CDK6: variants seen among roughly 807,000 people sequenced by gnomAD.
The protein encoded by CDK6 is cyclin-dependent kinase 6.
Under a neutral mutation model 37.1 loss-of-function variants are expected in CDK6, and 6 were observed. The ratio of observed to expected loss-of-function variants is 0.16; its 90% CI spans 0.09 to 0.32. The LOEUF (loss-of-function observed/expected upper bound fraction) is 0.32. Ranked by LOEUF, CDK6 falls within the 10% of genes least tolerant of loss-of-function variation. The pLI is 1.00. For missense variants in CDK6, 224 were observed against 418.9 expected, an observed-to-expected ratio of 0.53 and a Z score of 4.06; for synonymous variants, 160 against 161.3, an observed-to-expected ratio of 0.99 and a Z score of 0.06.
rs774090213 is a variant in CDK6, at chr7:92,833,333, A to G, written c.-10T>C. 6.4e-7 allele frequency: 1 copy of G among 1,551,610 alleles called. No homozygotes were observed. Among genetic ancestry groups the G allele is most frequent in the Non-Finnish European group, 8.7e-7 (1 of 1,151,396 alleles). ...GGCCGTCCTTCTCCATGCCGCCTGG[A>G]CGCCGCCCGCCGCGGCGCCGCTGGG... On this transcript the variant is annotated 5_prime_UTR_variant, in exon 2 of 8. Coordinates refer to ENST00000424848, the MANE Select transcript of CDK6 (RefSeq NM_001145306.2). The surrounding 1 kb of genome is among the most constrained non-coding windows in gnomAD (Gnocchi z 6.1).
In CDK6 at chr7:92,607,617, C is replaced by G; in HGVS notation, c.*7523G>C. 4.3e-6 allele frequency: 1 copy of G among 232,496 alleles called. No homozygotes were observed. Among genetic ancestry groups the G allele is most frequent in the Non-Finnish European group, 8.5e-6 (1 of 117,656 alleles). 14.4% of individuals were successfully genotyped at this position (232,496 alleles called of 1,614,324 possible). On this transcript the variant is annotated 3_prime_UTR_variant, in exon 8 of 8. Coordinates refer to ENST00000424848, the MANE Select transcript of CDK6 (RefSeq NM_001145306.2). ...GAACATTAGATGCAAAATCCTAACACTTTCTGCCTTCAGTTGTACTTTCAC... is the reference window on the plus strand; with the variant it reads ...GAACATTAGATGCAAAATCCTAACAGTTTCTGCCTTCAGTTGTACTTTCAC...
chr7:92,638,235 G>A (rs1310092404), intron 5 of CDK6, among the ~76,000 whole-genome samples: 2 of 152,126 alleles, frequency 1.3e-5, no homozygotes, highest in Non-Finnish European at 2.9e-5. Context: ...ATTAACATCA[G>A]TATATTTTGA....
intron 5 of CDK6, among the ~76,000 whole-genome samples, chr7:92,633,042 A>T (rs2116516730): frequency 6.6e-6 from 1 of 151,976 alleles, no homozygotes; most frequent in South Asian, 2.1e-4. Flanking sequence ...CAGGGTGACA[A>T]GAAAGTGCAT....
chr7:92,776,035 A>T (rs928036055), intron 2 of CDK6, among the ~76,000 whole-genome samples: 1 of 151,756 alleles, frequency 6.6e-6, no homozygotes, highest in African/African-American at 2.4e-5. Context: ...TACATTAGGT[A>T]TTTCTCCTAA....
At chr7:92,823,026 T>C (rs964408146) in intron 2 of CDK6, among the ~76,000 whole-genome samples, 4 of 151,640 alleles carry the variant, frequency 2.6e-5, no homozygotes, top group African/African-American at 9.7e-5. Flanking sequence ...TTCAGATACA[T>C]AAATACAACT....
At chr7:92,729,434 A>G (rs561998107) in intron 3 of CDK6, among the ~76,000 whole-genome samples, 7 of 152,230 alleles carry the variant, frequency 4.6e-5, no homozygotes, top group African/African-American at 1.7e-4. Flanking sequence ...ATTTAGTCAT[A>G]CTTATGATAA....
chr7:92,606,244 T>C lies in CDK6; in HGVS notation c.*8896A>G, dbSNP rs1795425249. On this transcript the variant is annotated 3_prime_UTR_variant, in exon 8 of 8. Coordinates refer to ENST00000424848, the MANE Select transcript of CDK6 (RefSeq NM_001145306.2). The stretch of plus-strand genomic sequence containing the variant: ...AGCCAAAACTGAATGCTCTGTACAA[T>C]GACTTGGTTTAAAAATCAAGATGCA... 3 of 233,368 alleles carry C rather than the reference T, an allele frequency of 1.3e-5. No homozygotes were observed. The allele number at this position is 233,368 out of a possible 1,614,324, so 14.5% of individuals were successfully genotyped here. A position where few individuals can be genotyped will look rare whatever the true frequency, so the allele number is the denominator to read the frequency against.
intron 4 of CDK6, among the ~76,000 whole-genome samples, chr7:92,707,672 G>A (rs1398515137): frequency 2.0e-5 from 3 of 152,242 alleles, no homozygotes. Context: ...AATACCTGAT[G>A]AGATATAGAA....
chr7:92,675,255 CATA>C (rs1330958942), intron 4 of CDK6, among the ~76,000 whole-genome samples: 2 of 152,200 alleles, frequency 1.3e-5, no homozygotes, highest in African/African-American at 4.8e-5. Context: ...CAGTCAAAAT[CATA>C]ATAACAATAT....
intron 2 of CDK6, among the ~76,000 whole-genome samples, chr7:92,821,502 A>C (rs960813904): frequency 6.6e-6 from 1 of 152,074 alleles, no homozygotes; most frequent in Admixed American, 6.6e-5. Flanking sequence ...TTTAATAGAA[A>C]AATGTAATTA....
intron 2 of CDK6, 57 bp from the exon 3 acceptor site, chr7:92,774,888 A>G: frequency 1.3e-6 from 2 of 1,539,602 alleles, no homozygotes; most frequent in Non-Finnish European, 1.8e-6. Context: ...AGTAACCTGT[A>G]TGTTTTATAC....
Position 92,787,977 on chromosome 7 carries a change from T to A in CDK6, c.234-13146A>T, listed in dbSNP as rs923309333. On this transcript the variant is annotated intron_variant, in intron 2 of 7. Coordinates refer to ENST00000424848, the MANE Select transcript of CDK6 (RefSeq NM_001145306.2). ...AGAGCAAAATTTCTGGGAATTATTG[T>A]GTTGAGAACTAAGAAAAATGCTAGA... 2.6e-5 allele frequency among the ~76,000 whole-genome samples: 4 copies of A among 152,160 alleles called. No homozygotes were observed. The East Asian group carries it at 7.7e-4, about 29-fold the overall frequency.
intron 5 of CDK6, among the ~76,000 whole-genome samples, chr7:92,669,533 A>G (rs971161655): frequency 5.3e-5 from 8 of 152,226 alleles, no homozygotes; most frequent in Admixed American, 3.9e-4. Context: ...AATTCCAATA[A>G]GCATTTCTGT....
chr7:92,718,838 G>A, intron 4 of CDK6, among the ~76,000 whole-genome samples: 1 of 152,154 alleles, frequency 6.6e-6, no homozygotes, highest in East Asian at 1.9e-4. Context: ...ATTTCTTTGT[G>A]TGACTATCTG....
Position 92,612,182 on chromosome 7 carries a change from A to G in CDK6, c.*2958T>C, listed in dbSNP as rs1284843359. The G allele has an allele frequency of 1.3e-5, 3 of 233,200 alleles. No individual in the cohort carries two copies. Among genetic ancestry groups the G allele is most frequent in the South Asian group, 1.8e-4 (1 of 5,524 alleles). The allele number at this position is 233,200 out of a possible 1,614,324, so 14.4% of individuals were successfully genotyped here. On this transcript the variant is annotated 3_prime_UTR_variant, in exon 8 of 8. Transcript: ENST00000424848. ...CAAAATGCCTGAGCCGCCAGAACCA[A>G]ACATCAAACAGAAACTAGCAGGGAC... is the stretch of plus-strand genomic sequence containing the variant.
At position 92,834,530 on chromosome 7, in the gene CDK6, C is replaced by G. The variant is rs998404673; in HGVS notation, c.-367-840G>C. Among the ~76,000 whole-genome samples, 1 of 151,892 alleles carries G rather than the reference C, an allele frequency of 6.6e-6. No homozygotes were observed. The highest frequency in any genetic ancestry group is 1.5e-5 in the Non-Finnish European group (1 of 67,960). ...GGGAGACACCGTCCCCCACGGGATC[C>G]CAAGGGTGGGAGAAAGGGGTGTTCG... On this transcript the variant is annotated intron_variant, in intron 1 of 7. Transcript: ENST00000424848. The surrounding 1 kb of genome is among the most constrained non-coding windows in gnomAD (Gnocchi z 4.6).
Position 92,672,190 on chromosome 7 carries a change from T to TACACACACACACACAC in CDK6, c.538-671_538-656dup, listed in dbSNP as rs71107866. Among the ~76,000 whole-genome samples the TACACACACACACACAC allele has an allele frequency of 9.4e-4, 59 of 62,758 alleles. 3 individuals carry two copies. The highest frequency in any genetic ancestry group is 4.3e-3 in the African/African-American group (42 of 9,826). The allele number at this position is 62,758 out of a possible 152,430, so 41.2% of individuals were successfully genotyped here. The stretch of plus-strand genomic sequence containing the variant: ...ATACACACACACACACACAGACACA[T>TACACACACACACACAC]ACACACACACACACACACACACACA... On this transcript the variant is annotated intron_variant, in intron 4 of 7. Coordinates refer to ENST00000424848, the MANE Select transcript of CDK6 (RefSeq NM_001145306.2).
rs1160293260 is a variant in CDK6, at chr7:92,612,859, T to A, written c.*2281A>T. ...ATGAATACTAACCAAAAAGCTCAGA[T>A]GAATCAGTGCAGTGAGTTTTTAAAT... On this transcript the variant is annotated 3_prime_UTR_variant, in exon 8 of 8. Transcript: ENST00000424848. The A allele has an allele frequency of 4.3e-6, 1 of 233,080 alleles. No individual in the cohort carries two copies. Among genetic ancestry groups the A allele is most frequent in the Non-Finnish European group, 8.5e-6 (1 of 117,944 alleles). The allele number at this position is 233,080 out of a possible 1,614,324, so 14.4% of individuals were successfully genotyped here. A position where few individuals can be genotyped will look rare whatever the true frequency, so the allele number is the denominator to read the frequency against.
chr7:92,660,376 GA>G (rs992745889), intron 5 of CDK6, among the ~76,000 whole-genome samples: 1 of 152,168 alleles, frequency 6.6e-6, no homozygotes. Flanking sequence ...CAGGACAAGA[GA>G]AGAGCAAGGG....
Sources: gnomAD v4.1 joint callset for allele counts (sites outside exome capture counted in the v4.1 genomes callset) on GRCh38, gnomAD v4.1.1 for gene constraint, Gnocchi (gnomAD v3.1) non-coding constraint, MANE v1.5 for transcripts, NCBI Gene and HGNC (gene_info 2026-07-23, HGNC 2026-07-21) for gene names.